SNX3: variants seen among roughly 807,000 people sequenced by gnomAD.
SNX3 encodes sorting nexin 3.
SNX3 carries 5 observed loss-of-function variants against 17.7 expected under a neutral mutation model. The ratio of observed to expected loss-of-function variants is 0.28; its 90% CI spans 0.15 to 0.59. The LOEUF (loss-of-function observed/expected upper bound fraction) is 0.59, where lower values mean the gene tolerates loss of function less well. Among genes scored for constraint, SNX3 ranks in the 20% least tolerant of loss-of-function variants. The pLI is 0.88. For synonymous variants in SNX3, 91 were observed against 76.5 expected (o/e 1.19, Z -0.99); for missense variants, 132 against 206.8 (o/e 0.64, Z 2.22).
At chr6:108,253,304 T>C (rs1465156323) in intron 1 of SNX3, among the ~76,000 whole-genome samples, 3 of 151,924 alleles carry the variant, frequency 2.0e-5, no homozygotes, top group Non-Finnish European at 4.4e-5. Context: ...GGTAGGAGGC[T>C]CACTTGAGCC....
intron 2 of SNX3, among the ~76,000 whole-genome samples, chr6:108,220,903 C>A (rs1373478813): frequency 6.6e-6 from 1 of 151,920 alleles, no homozygotes; most frequent in African/African-American, 2.4e-5. Context: ...ATTGCTTGAA[C>A]CCCGGAGATG....
intron 1 of SNX3, among the ~76,000 whole-genome samples, chr6:108,241,279 A>G (rs944667474): frequency 6.6e-6 from 1 of 152,152 alleles, no homozygotes; most frequent in Non-Finnish European, 1.5e-5. Flanking sequence ...AGCCATGGAC[A>G]TGAGAAGACG....
intron 1 of SNX3, among the ~76,000 whole-genome samples, chr6:108,239,967 C>A (rs995265333): frequency 1.3e-5 from 2 of 151,938 alleles, no homozygotes; most frequent in African/African-American, 4.8e-5. Flanking sequence ...TGAATAAGAC[C>A]ATTTCTCTTA....
chr6:108,238,926 G>C (rs1226411817), intron 1 of SNX3, among the ~76,000 whole-genome samples: 1 of 149,716 alleles, frequency 6.7e-6, no homozygotes, highest in Admixed American at 6.7e-5. Flanking sequence ...TTTGGAGACA[G>C]AGTCTCACAT....
intron 3 of SNX3, 97 bp downstream of exon 3, chr6:108,214,401 G>A (rs1445578113): frequency 8.4e-7 from 1 of 1,186,798 alleles, no homozygotes; most frequent in Non-Finnish European, 1.2e-6. Flanking sequence ...TTAGGAAATG[G>A]CTGAAAGAAA....
intron 1 of SNX3, among the ~76,000 whole-genome samples, chr6:108,243,919 T>C (rs1775604701): frequency 3.3e-5 from 5 of 152,066 alleles, no homozygotes; most frequent in African/African-American, 1.2e-4. Flanking sequence ...GGTAAGAAAG[T>C]GAGACTGCCT....
At chr6:108,223,690 G>A (rs1482603477) in intron 1 of SNX3, among the ~76,000 whole-genome samples, 1 of 151,420 alleles carries the variant, frequency 6.6e-6, no homozygotes, top group East Asian at 1.9e-4. Context: ...AGTAGAGGCG[G>A]GGTTTCACCA....
chr6:108,214,232 G>A (rs993059236), intron 3 of SNX3, among the ~76,000 whole-genome samples: 14 of 152,110 alleles, frequency 9.2e-5, no homozygotes, highest in African/African-American at 3.1e-4. Flanking sequence ...TTTAAATGCC[G>A]TAATTTTAAA....
chr6:108,247,819 C>T (rs909033465), intron 1 of SNX3, among the ~76,000 whole-genome samples: 6 of 151,334 alleles, frequency 4.0e-5, no homozygotes, highest in African/African-American at 9.7e-5. Context: ...AAATTATAGC[C>T]GGGTGTGGTG....
chr6:108,216,177 A>C (rs568837823), intron 2 of SNX3, among the ~76,000 whole-genome samples: 109 of 152,128 alleles, frequency 7.2e-4, no homozygotes, highest in Non-Finnish European at 1.2e-3. Context: ...GACTCAGATG[A>C]TCCTCCTGCA....
chr6:108,260,635 G>A (rs1218715531), intron 1 of SNX3, 125 bp downstream of exon 1: 4 of 1,087,536 alleles, frequency 3.7e-6, no homozygotes, highest in South Asian at 2.8e-5. Flanking sequence ...ACCCCGGCCC[G>A]CCTCTGCAAG....
At position 108,211,894 on chromosome 6, in the gene SNX3, T is replaced by G. The variant is rs1774416686; in HGVS notation, c.*255A>C. On this transcript the variant is annotated 3_prime_UTR_variant, in exon 4 of 4. Transcript: ENST00000230085. ...TGCAGATTACACTGGAATAACAGGT[T>G]TGTGAGGCTATAGTGTGCACCACAT... 3.4e-6 allele frequency: 1 copy of G among 291,372 alleles called. No individual in the cohort carries two copies. The highest frequency in any genetic ancestry group is 6.3e-6 in the Non-Finnish European group (1 of 158,566). The allele number at this position is 291,372 out of a possible 1,614,324, so 18.0% of individuals were successfully genotyped here.
intron 1 of SNX3, among the ~76,000 whole-genome samples, chr6:108,233,668 G>A (rs1454462230): frequency 1.3e-5 from 2 of 152,200 alleles, no homozygotes; most frequent in African/African-American, 4.8e-5. Flanking sequence ...AGAATCGCTT[G>A]AGCCCGGGAG....
intron 1 of SNX3, among the ~76,000 whole-genome samples, chr6:108,239,029 T>A (rs1458942770): frequency 6.6e-6 from 1 of 151,786 alleles, no homozygotes; most frequent in Non-Finnish European, 1.5e-5. Flanking sequence ...GCCTCCCGAG[T>A]AGCTGGAATT....
chr6:108,235,316 G>C (rs2114735571), intron 1 of SNX3, among the ~76,000 whole-genome samples: 1 of 152,272 alleles, frequency 6.6e-6, no homozygotes, highest in South Asian at 2.1e-4. Flanking sequence ...CTGGCAGCCA[G>C]CCATATGACC....
chr6:108,224,312 G>A lies in SNX3; in HGVS notation c.163-1267C>T, dbSNP rs151250429. Reference sequence around the variant, plus strand: ...ATTTATTTTTTTGAGGCAGAATCTCGCTCTGTCGCCCAGGCTGTAGTGCAG... The same window carrying A: ...ATTTATTTTTTTGAGGCAGAATCTCACTCTGTCGCCCAGGCTGTAGTGCAG... On this transcript the variant is annotated intron_variant, in intron 1 of 3. Transcript: ENST00000230085. Among the ~76,000 whole-genome samples, 343 of 152,050 alleles carry A rather than the reference G, an allele frequency of 2.3e-3. 2 individuals carry two copies. The highest frequency in any genetic ancestry group is 8.2e-3 in the African/African-American group (338 of 41,472).
chr6:108,232,149 TTTG>T (rs1284901748), intron 1 of SNX3, among the ~76,000 whole-genome samples: 1 of 152,194 alleles, frequency 6.6e-6, no homozygotes, highest in Non-Finnish European at 1.5e-5. Context: ...TCAATGTTAT[TTTG>T]TTGTTGTCTA....
Position 108,229,871 on chromosome 6 carries a change from T to C in SNX3, c.163-6826A>G, listed in dbSNP as rs546890892. ...AATATGGGGCTAAGGTGACTACCTG[T>C]GAGCATCAGGAGTTAATAAATATGT... On this transcript the variant is annotated intron_variant, in intron 1 of 3. Coordinates refer to ENST00000230085, the MANE Select transcript of SNX3 (RefSeq NM_003795.6). 6.2e-4 allele frequency among the ~76,000 whole-genome samples: 94 copies of C among 152,302 alleles called. No individual in the cohort carries two copies. The South Asian group carries it at 0.019, about 31-fold the overall frequency.
In SNX3 at chr6:108,234,694, T is replaced by C. The variant is rs373549986; in HGVS notation, c.163-11649A>G. On this transcript the variant is annotated intron_variant, in intron 1 of 3. Coordinates refer to ENST00000230085, the MANE Select transcript of SNX3 (RefSeq NM_003795.6). ...CAGTATATAGCCTTTTAGATTTTTA[T>C]ATATACAAATCTTATTTTTATTAAA... is the stretch of plus-strand genomic sequence containing the variant. Among the ~76,000 whole-genome samples the C allele has an allele frequency of 1.6e-4, 25 of 152,354 alleles. No individual in the cohort carries two copies. In the East Asian group the frequency reaches 2.5e-3, roughly 15 times the overall value.
Sources: gnomAD v4.1 joint callset for allele counts (sites outside exome capture counted in the v4.1 genomes callset) on GRCh38, gnomAD v4.1.1 for gene constraint, MANE v1.5 for transcripts, NCBI Gene and HGNC (gene_info 2026-07-23, HGNC 2026-07-21) for gene names.